The following ANKFN1 variants were observed in gnomAD, a reference collection of about 807,000 sequenced individuals.
The protein encoded by ANKFN1 is ankyrin repeat and fibronectin type III domain containing 1.
Under a neutral mutation model 108.7 loss-of-function variants are expected in ANKFN1, and 74 were observed. That is an observed-to-expected ratio of 0.68 (90% CI 0.56 to 0.83). ANKFN1 has a LOEUF of 0.83. Ranked by LOEUF, ANKFN1 falls within the 40% of genes least tolerant of loss-of-function variation. ANKFN1 has a pLI of 0.00. For missense variants in ANKFN1, 1,505 were observed against 1,382.3 expected, an observed-to-expected ratio of 1.09 and a Z score of -1.41; for synonymous variants, 547 against 516.2, an observed-to-expected ratio of 1.06 and a Z score of -0.81.
At chr17:56,411,935 T>C (rs556548867) in intron 8 of ANKFN1, among the ~76,000 whole-genome samples, 1 of 152,324 alleles carries the variant, frequency 6.6e-6, no homozygotes, top group African/African-American at 2.4e-5. Flanking sequence ...TCAGGGACAT[T>C]GGCCTGTAGA....
intron 4 of ANKFN1, among the ~76,000 whole-genome samples, chr17:56,097,603 C>T (rs989586640): frequency 1.3e-5 from 2 of 152,200 alleles, no homozygotes; most frequent in Non-Finnish European, 2.9e-5. Flanking sequence ...AGTCTCTCTC[C>T]GCAGTCTAAG....
intron 3 of ANKFN1, among the ~76,000 whole-genome samples, chr17:56,232,116 G>T (rs113478308): frequency 1.8e-4 from 27 of 152,056 alleles, no homozygotes; most frequent in African/African-American, 5.8e-4. Flanking sequence ...AAATATTTTG[G>T]AATCTGATCC....
chr17:56,307,777 A>G (rs2044876700), intron 3 of ANKFN1, among the ~76,000 whole-genome samples: 1 of 152,330 alleles, frequency 6.6e-6, no homozygotes, highest in East Asian at 1.9e-4. Context: ...ACACATGCAC[A>G]CGTATGTTTA....
chr17:56,138,602 T>G (rs1488733631), intron 4 of ANKFN1, among the ~76,000 whole-genome samples: 4 of 151,424 alleles, frequency 2.6e-5, no homozygotes, highest in Non-Finnish European at 1.5e-5. Context: ...CTCTGCCTCC[T>G]GCATTCAAGC....
intron 1 of ANKFN1, among the ~76,000 whole-genome samples, chr17:56,200,830 A>G (rs1440376317): frequency 6.6e-6 from 1 of 152,248 alleles, no homozygotes; most frequent in Non-Finnish European, 1.5e-5. Flanking sequence ...GAGGCAATCT[A>G]TTAGTCTGAA....
intron 4 of ANKFN1, among the ~76,000 whole-genome samples, chr17:56,071,399 C>G (rs533705112): frequency 6.6e-5 from 10 of 152,304 alleles, no homozygotes; most frequent in African/African-American, 2.4e-4. Flanking sequence ...TTCTCTCTGA[C>G]CTTGGAGTAT....
At chr17:56,096,235 G>A (rs778936424) in intron 4 of ANKFN1, among the ~76,000 whole-genome samples, 3 of 152,108 alleles carry the variant, frequency 2.0e-5, no homozygotes, top group Non-Finnish European at 4.4e-5. Context: ...GCCAGGATGT[G>A]GTTGTCTGAT....
At chr17:56,176,136 C>A (rs1176248478) in intron 1 of ANKFN1, among the ~76,000 whole-genome samples, 2 of 152,078 alleles carry the variant, frequency 1.3e-5, no homozygotes, top group East Asian at 3.9e-4. Flanking sequence ...TTGGCACCAA[C>A]TTAATGCATT....
intron 1 of ANKFN1, among the ~76,000 whole-genome samples, chr17:56,164,872 T>C (rs1314911025): frequency 1.3e-5 from 2 of 152,220 alleles, no homozygotes; most frequent in Admixed American, 1.3e-4. Context: ...ACTGCCAAAA[T>C]TATAACCTAC....
chr17:56,431,334 G>T (rs1018589527), intron 8 of ANKFN1, among the ~76,000 whole-genome samples: 1 of 152,172 alleles, frequency 6.6e-6, no homozygotes, highest in African/African-American at 2.4e-5. Flanking sequence ...GAGAAATAAT[G>T]ATGACATTTT....
chr17:56,298,214 A>G (rs1321372692), intron 3 of ANKFN1, among the ~76,000 whole-genome samples: 2 of 152,210 alleles, frequency 1.3e-5, no homozygotes, highest in African/African-American at 2.4e-5. Context: ...GAAAATACAT[A>G]CATATGGAAG....
At chr17:56,078,148 C>T (rs950047047) in intron 4 of ANKFN1, among the ~76,000 whole-genome samples, 6 of 152,212 alleles carry the variant, frequency 3.9e-5, no homozygotes, top group African/African-American at 4.8e-5. Context: ...CAGTTCAACT[C>T]TTTTAGCTGG....
chr17:56,337,584 T>A (rs1387897498), intron 4 of ANKFN1, among the ~76,000 whole-genome samples: 2 of 149,942 alleles, frequency 1.3e-5, no homozygotes, highest in Non-Finnish European at 3.0e-5. Flanking sequence ...AGGGCTAATA[T>A]CCAAAGAACT....
intron 1 of ANKFN1, among the ~76,000 whole-genome samples, chr17:56,160,575 T>A (rs1161202080): frequency 6.6e-6 from 1 of 152,226 alleles, no homozygotes; most frequent in Non-Finnish European, 1.5e-5. Flanking sequence ...CTTTGATTAC[T>A]GATGCTCATA....
At chr17:56,177,516 T>C (rs1911283172) in intron 1 of ANKFN1, among the ~76,000 whole-genome samples, 1 of 152,206 alleles carries the variant, frequency 6.6e-6, no homozygotes, top group Non-Finnish European at 1.5e-5. Context: ...GGAATATTTT[T>C]CATAATCCAC....
intron 1 of ANKFN1, among the ~76,000 whole-genome samples, chr17:56,155,386 C>T (rs958012731): frequency 4.6e-5 from 7 of 152,218 alleles, no homozygotes; most frequent in Admixed American, 3.9e-4. Flanking sequence ...TGAATCTCTG[C>T]CCTTGGAATG....
chr17:56,317,422 C>A (rs1047341324), intron 3 of ANKFN1, among the ~76,000 whole-genome samples: 1 of 152,104 alleles, frequency 6.6e-6, no homozygotes, highest in East Asian at 1.9e-4. Context: ...TGCTGGACTC[C>A]CGCTTATTTT....
chr17:56,441,091 C>T (rs2049088189), intron 9 of ANKFN1, among the ~76,000 whole-genome samples: 1 of 151,970 alleles, frequency 6.6e-6, no homozygotes, highest in South Asian at 2.1e-4. Flanking sequence ...AAAATAAAAA[C>T]ACCTTGTAAA....
At chr17:56,287,813 A>G (rs1385869606) in intron 3 of ANKFN1, among the ~76,000 whole-genome samples, 1 of 152,226 alleles carries the variant, frequency 6.6e-6, no homozygotes, top group East Asian at 1.9e-4. Context: ...CCAATATTAA[A>G]TCTCCAGCTC....
Sources: gnomAD v4.1 joint callset for allele counts (sites outside exome capture counted in the v4.1 genomes callset) on GRCh38, gnomAD v4.1.1 for gene constraint, MANE v1.5 for transcripts, NCBI Gene and HGNC (gene_info 2026-07-23, HGNC 2026-07-21) for gene names.